Variants in RANBP2 observed in about 807,000 individuals in gnomAD.
The protein encoded by RANBP2 is RAN binding protein 2, also known as E3 SUMO-protein ligase RanBP2.
Under a neutral mutation model 303.6 loss-of-function variants are expected in RANBP2, and 57 were observed. The observed-to-expected ratio is 0.19, with a 90% CI of 0.15 to 0.23. The LOEUF is 0.23. Among genes scored for constraint, RANBP2 ranks in the 10% least tolerant of loss-of-function variants. RANBP2 has a pLI of 1.00. For synonymous variants in RANBP2, 1,167 were observed against 1,301.5 expected, an observed-to-expected ratio of 0.90 and a Z score of 2.23; for missense variants, 3,138 against 3,780.8, an observed-to-expected ratio of 0.83 and a Z score of 4.46.
chr2:108,789,275 T>A (rs1182037421), downstream of RANBP2, among the ~76,000 whole-genome samples: 1 of 152,230 alleles, frequency 6.6e-6, no homozygotes, highest in Non-Finnish European at 1.5e-5. Flanking sequence ...CTCTGCTCCC[T>A]TTCTTTAAAA....
the RANBP2 span, among the ~76,000 whole-genome samples, chr2:109,011,216 T>C: frequency 6.6e-6 from 1 of 152,248 alleles, no homozygotes; most frequent in South Asian, 2.1e-4. Context: ...TTCTTGTTTC[T>C]GTTGAGCACA....
chr2:108,720,447 T>A (rs1049770834), intron 1 of RANBP2, among the ~76,000 whole-genome samples: 6 of 152,212 alleles, frequency 3.9e-5, no homozygotes, highest in African/African-American at 1.4e-4. Flanking sequence ...GTATTTTTCC[T>A]CTTTACATGT....
chr2:109,161,270 T>G, the RANBP2 span, among the ~76,000 whole-genome samples: 2 of 152,142 alleles, frequency 1.3e-5, no homozygotes. Flanking sequence ...GAGTTGAGTT[T>G]AGTTCAGGGT....
chr2:109,129,962 C>T, the RANBP2 span: 2 of 1,425,544 alleles, frequency 1.4e-6, no homozygotes, highest in African/African-American at 1.5e-5. Context: ...CGTCCCATCC[C>T]AGGCCAGAGT....
chr2:109,405,850 C>T, the RANBP2 span, among the ~76,000 whole-genome samples: 1 of 152,240 alleles, frequency 6.6e-6, no homozygotes, highest in Admixed American at 6.5e-5. Context: ...GGGCTAGGTG[C>T]CACTGGCCCA....
At chr2:109,668,178 G>C in the RANBP2 span, among the ~76,000 whole-genome samples, 1 of 152,208 alleles carries the variant, frequency 6.6e-6, no homozygotes, top group Non-Finnish European at 1.5e-5. Flanking sequence ...GCAGGACCCG[G>C]GTTCATTTTC....
At chr2:108,724,655 C>T (rs563670169) in intron 1 of RANBP2, among the ~76,000 whole-genome samples, 33 of 151,694 alleles carry the variant, frequency 2.2e-4, no homozygotes, top group Non-Finnish European at 4.0e-4. Context: ...TTTTTAATGA[C>T]GTTTACCTGA....
intron 25 of RANBP2, among the ~76,000 whole-genome samples, chr2:108,779,357 G>A (rs2149322214): frequency 6.6e-6 from 1 of 152,006 alleles, no homozygotes; most frequent in South Asian, 2.1e-4. Flanking sequence ...TAGAGATGGG[G>A]TTTCGCCATG....
chr2:109,211,226 G>A, the RANBP2 span, among the ~76,000 whole-genome samples: 1 of 152,238 alleles, frequency 6.6e-6, no homozygotes, highest in Non-Finnish European at 1.5e-5. Context: ...AAGGCAAGGA[G>A]GCAACCCTGA....
chr2:109,659,194 C>T, the RANBP2 span, among the ~76,000 whole-genome samples: 4 of 151,898 alleles, frequency 2.6e-5, no homozygotes, highest in Non-Finnish European at 5.9e-5. Flanking sequence ...ATGGCCAACA[C>T]GGCGAAACCC....
At chr2:109,153,356 T>TTAAAAAAATTTGTA in the RANBP2 span, among the ~76,000 whole-genome samples, 33 of 152,208 alleles carry the variant, frequency 2.2e-4, no homozygotes, top group African/African-American at 8.0e-4. Flanking sequence ...TCTTAGTGAT[T>TTAAAAAAATTTGTA]TAAAAAAATT....
chr2:109,377,918 C>T, the RANBP2 span, among the ~76,000 whole-genome samples: 35 of 152,252 alleles, frequency 2.3e-4, no homozygotes, highest in Non-Finnish European at 5.0e-4. Flanking sequence ...GGCACAACGA[C>T]AGCTCTCATT....
At chr2:109,548,863 G>A in the RANBP2 span, among the ~76,000 whole-genome samples, 1 of 150,332 alleles carries the variant, frequency 6.7e-6, no homozygotes, top group South Asian at 2.1e-4. Context: ...AAACCAGAGA[G>A]CTAAACTCTG....
chr2:109,268,239 A>C, the RANBP2 span, among the ~76,000 whole-genome samples: 1 of 151,246 alleles, frequency 6.6e-6, no homozygotes, highest in African/African-American at 2.4e-5. Context: ...TGGAATGGAA[A>C]ACCCTGAGCC....
the RANBP2 span, among the ~76,000 whole-genome samples, chr2:108,893,419 T>TAGTC: frequency 6.6e-6 from 1 of 152,154 alleles, no homozygotes; most frequent in East Asian, 1.9e-4. Context: ...CACTGACTCC[T>TAGTC]AGTCACCATC....
chr2:108,980,299 C>T, the RANBP2 span, among the ~76,000 whole-genome samples: 1 of 152,038 alleles, frequency 6.6e-6, no homozygotes, highest in Non-Finnish European at 1.5e-5. Context: ...AGTCACATCC[C>T]GAAACCTCTG....
the RANBP2 span, chr2:109,617,339 A>G: frequency 6.0e-6 from 1 of 167,084 alleles, no homozygotes; most frequent in Non-Finnish European, 1.5e-5. Flanking sequence ...GCTGCTGGCT[A>G]TTCCTTTGTA....
the RANBP2 span, among the ~76,000 whole-genome samples, chr2:108,832,241 G>T: frequency 1.3e-5 from 2 of 151,562 alleles, no homozygotes; most frequent in African/African-American, 2.4e-5. Flanking sequence ...TGGCCTGGCT[G>T]GTCTCAAACT....
the RANBP2 span, among the ~76,000 whole-genome samples, chr2:109,081,390 G>A: frequency 3.3e-5 from 5 of 152,136 alleles, no homozygotes; most frequent in East Asian, 1.9e-4. Context: ...GGAGCTGCCC[G>A]AGGCTGTTTT....
Sources: gnomAD v4.1 joint callset for allele counts (sites outside exome capture counted in the v4.1 genomes callset) on GRCh38, gnomAD v4.1.1 for gene constraint, MANE v1.5 for transcripts, NCBI Gene and HGNC (gene_info 2026-07-23, HGNC 2026-07-21) for gene names.